The following ERBB4 variants were observed in gnomAD, a reference collection of about 807,000 sequenced individuals.
ERBB4 encodes receptor tyrosine-protein kinase erbB-4.
Under a neutral mutation model 158.0 loss-of-function variants are expected in ERBB4, and 42 were observed. The observed-to-expected ratio is 0.27, with a 90% CI of 0.21 to 0.34. ERBB4 has a LOEUF of 0.34. Ranked by LOEUF, ERBB4 falls within the 10% of genes least tolerant of loss-of-function variation. The pLI, the probability that ERBB4 is intolerant of heterozygous loss-of-function variation, is 1.00. For synonymous variants in ERBB4, 583 were observed against 558.7 expected, an observed-to-expected ratio of 1.04 and a Z score of -0.61; for missense variants, 1,333 against 1,624.1, an observed-to-expected ratio of 0.82 and a Z score of 3.08.
intron 16 of ERBB4, among the ~76,000 whole-genome samples, chr2:211,633,360 A>G (rs1167087412): frequency 6.6e-6 from 1 of 152,032 alleles, no homozygotes; most frequent in African/African-American, 2.4e-5. Flanking sequence ...ATATTCATAT[A>G]TGTCTACAAA....
At chr2:211,655,878 T>C (rs934101809) in intron 16 of ERBB4, among the ~76,000 whole-genome samples, 1 of 152,224 alleles carries the variant, frequency 6.6e-6, no homozygotes, top group Middle Eastern at 3.2e-3. Flanking sequence ...TAGAAATCAA[T>C]TTACTCTAGC....
At chr2:211,409,182 G>A (rs893981819) in intron 25 of ERBB4, among the ~76,000 whole-genome samples, 3 of 151,908 alleles carry the variant, frequency 2.0e-5, no homozygotes, top group South Asian at 2.1e-4. Context: ...ACCAAATGAC[G>A]GGTGAGAGTT....
Position 211,705,332 on chromosome 2 carries a change from A to G in ERBB4, c.1184T>C (p.Val395Ala), listed in dbSNP as rs2073398596. 1 of 1,610,538 alleles carries G rather than the reference A, an allele frequency of 6.2e-7. No individual in the cohort carries two copies. Among genetic ancestry groups the G allele is most frequent in the Non-Finnish European group, 8.5e-7 (1 of 1,176,816 alleles). The change falls in exon 10 of 28, where the codon GTC (valine) becomes GCC (alanine). Residue 395 changes from valine (V) to alanine (A), a missense_variant. This residue lies in a region of ERBB4 where 438 missense variants were observed against 586.9 expected (regional missense o/e 0.75). Coordinates refer to ENST00000342788, the MANE Select transcript of ERBB4 (RefSeq NM_005235.3). ...DPEKLNVFRT[V>A]REITGFLNIQ... The stretch of plus-strand genomic sequence containing the variant: ...TAAAAAATTACCTGTTATCTCTCTG[A>G]CTGTCCGAAAGACGTTCAGTTTCTC...
At chr2:211,697,307 A>C (rs2073063921) in intron 12 of ERBB4, among the ~76,000 whole-genome samples, 1 of 152,172 alleles carries the variant, frequency 6.6e-6, no homozygotes, top group South Asian at 2.1e-4. Flanking sequence ...AATTTTAAAA[A>C]TGCTATGCCA....
intron 4 of ERBB4, among the ~76,000 whole-genome samples, chr2:211,757,760 G>C (rs1210995751): frequency 6.6e-6 from 1 of 152,170 alleles, no homozygotes; most frequent in Non-Finnish European, 1.5e-5. Context: ...GTTGTGCAAA[G>C]GCTTGAAGAT....
intron 19 of ERBB4, among the ~76,000 whole-genome samples, chr2:211,597,715 A>G (rs1489082462): frequency 1.3e-5 from 2 of 152,122 alleles, no homozygotes; most frequent in Admixed American, 6.5e-5. Context: ...TTAAAATGGT[A>G]AAGAGACATC....
intron 20 of ERBB4, among the ~76,000 whole-genome samples, chr2:211,523,621 G>A (rs916332146): frequency 6.6e-6 from 1 of 151,882 alleles, no homozygotes; most frequent in African/African-American, 2.4e-5. Context: ...CTGCGCGTCT[G>A]GAGTTGTTCG....
At chr2:211,663,535 C>G (rs1253611717) in intron 15 of ERBB4, among the ~76,000 whole-genome samples, 1 of 152,082 alleles carries the variant, frequency 6.6e-6, no homozygotes, top group African/African-American at 2.4e-5. Context: ...GATTTTGTTG[C>G]TACCATAAAC....
intron 3 of ERBB4, among the ~76,000 whole-genome samples, chr2:211,815,464 T>A (rs1575186854): frequency 6.6e-6 from 1 of 152,204 alleles, no homozygotes; most frequent in East Asian, 1.9e-4. Context: ...TCTATCAAAT[T>A]TTTAGAGATT....
chr2:211,545,862 A>C (rs2066927435), intron 20 of ERBB4, among the ~76,000 whole-genome samples: 1 of 152,000 alleles, frequency 6.6e-6, no homozygotes, highest in Non-Finnish European at 1.5e-5. Context: ...CTGATAGATG[A>C]CTGTCATTAA....
At chr2:211,687,304 CAAAAAA>C (rs34737849) in intron 12 of ERBB4, among the ~76,000 whole-genome samples, 1 of 106,192 alleles carries the variant, frequency 9.4e-6, no homozygotes. Flanking sequence ...GACTCCGTCT[CAAAAAA>C]AAAAAAAAAA....
chr2:212,502,398 C>T lies in ERBB4; in HGVS notation c.82+36051G>A, dbSNP rs1320308115. Among the ~76,000 whole-genome samples the T allele has an allele frequency of 2.6e-5, 4 of 152,118 alleles. No individual in the cohort carries two copies. In the East Asian group the frequency reaches 7.7e-4, roughly 29 times the overall value. On this transcript the variant is annotated intron_variant, in intron 1 of 27. Transcript: ENST00000342788. Reference sequence around the variant, plus strand: ...ATTATATCATTTAATCTTTATATTACTCCTGTGAGGTAGGTATTATTTTCC... The same window carrying T: ...ATTATATCATTTAATCTTTATATTATTCCTGTGAGGTAGGTATTATTTTCC...
chr2:212,405,651 A>T (rs1346719654), intron 1 of ERBB4, among the ~76,000 whole-genome samples: 1 of 152,158 alleles, frequency 6.6e-6, no homozygotes, highest in Non-Finnish European at 1.5e-5. Flanking sequence ...AGGTGAGGAT[A>T]TATTTTCACA....
chr2:211,853,895 T>C (rs1394588004), intron 3 of ERBB4, among the ~76,000 whole-genome samples: 1 of 152,098 alleles, frequency 6.6e-6, no homozygotes, highest in Non-Finnish European at 1.5e-5. Context: ...CATCACCAGA[T>C]GCCACTGTGA....
intron 9 of ERBB4, among the ~76,000 whole-genome samples, chr2:211,710,037 T>A (rs2073633061): frequency 6.6e-6 from 1 of 152,156 alleles, no homozygotes; most frequent in Non-Finnish European, 1.5e-5. Context: ...TGTACCTTAC[T>A]TTTTCGTATT....
At chr2:211,863,189 A>G (rs2078111639) in intron 3 of ERBB4, among the ~76,000 whole-genome samples, 1 of 149,676 alleles carries the variant, frequency 6.7e-6, no homozygotes, top group South Asian at 2.1e-4. Context: ...AGCACTCTGC[A>G]AAAACGCACC....
intron 4 of ERBB4, among the ~76,000 whole-genome samples, chr2:211,761,155 A>T (rs537983353): frequency 3.0e-4 from 44 of 145,006 alleles, no homozygotes; most frequent in Middle Eastern, 3.7e-3. Flanking sequence ...AGATTGCGCC[A>T]CTGTACTCCA....
intron 1 of ERBB4, among the ~76,000 whole-genome samples, chr2:212,131,003 TA>T (rs2080091094): frequency 1.3e-5 from 2 of 152,290 alleles, no homozygotes; most frequent in South Asian, 4.1e-4. Flanking sequence ...TGTTGGGCAT[TA>T]AAAAATCTAG....
intron 2 of ERBB4, among the ~76,000 whole-genome samples, chr2:211,997,518 GA>G (rs1453080346): frequency 6.6e-6 from 1 of 152,038 alleles, no homozygotes; most frequent in African/African-American, 2.4e-5. Flanking sequence ...AATAATCATT[GA>G]AAGATATTAT....
Sources: allele counts gnomAD v4.1 joint callset (sites outside exome capture counted in the v4.1 genomes callset), GRCh38; gene constraint gnomAD v4.1.1; regional missense constraint gnomAD v4.1.1; transcripts MANE v1.5; gene names NCBI Gene and HGNC (gene_info 2026-07-23, HGNC 2026-07-21).